TNIP3: variants seen among roughly 807,000 people sequenced by gnomAD.
TNIP3 encodes the protein TNFAIP3 interacting protein 3, also known as TNFAIP3-interacting protein 3.
Under a neutral mutation model 54.1 loss-of-function variants are expected in TNIP3, and 34 were observed. The observed-to-expected ratio is 0.63, with a 90% CI of 0.48 to 0.84. The LOEUF (loss-of-function observed/expected upper bound fraction) is 0.84. Among genes scored for constraint, TNIP3 ranks in the 40% least tolerant of loss-of-function variants. TNIP3 has a pLI of 0.00. For synonymous variants in TNIP3, 134 were observed against 136.8 expected, an observed-to-expected ratio of 0.98 and a Z score of 0.14; for missense variants, 366 against 387.6, an observed-to-expected ratio of 0.94 and a Z score of 0.47.
intron 1 of TNIP3, among the ~76,000 whole-genome samples, chr4:121,162,206 C>T (rs1374532001): frequency 6.6e-6 from 1 of 152,154 alleles, no homozygotes; most frequent in East Asian, 1.9e-4. Flanking sequence ...ATTTCAAGCA[C>T]CTTTTTTCAT....
upstream of TNIP3, among the ~76,000 whole-genome samples, chr4:121,219,550 A>G (rs1228226509): frequency 6.6e-6 from 1 of 152,214 alleles, no homozygotes; most frequent in Non-Finnish European, 1.5e-5. Flanking sequence ...TTGGAAGTTA[A>G]CCAAGTTTTA....
chr4:121,197,083 A>G (rs1725631371), intron 2 of TNIP3, among the ~76,000 whole-genome samples: 1 of 152,130 alleles, frequency 6.6e-6, no homozygotes, highest in Admixed American at 6.6e-5. Flanking sequence ...ATGGGAAAAA[A>G]TCAACTAGAA....
Position 121,154,558 on chromosome 4 carries a change from A to C in TNIP3, c.485T>G (p.Leu162Arg). 1.9e-6 allele frequency: 3 copies of C among 1,613,650 alleles called. No homozygotes were observed. In the South Asian group the frequency reaches 3.3e-5, roughly 18 times the overall value. ...GCTTGACCTGACTGATACCTTATTG[A>C]GGCGTTTTATTTCACATTCGTAATG... Reference protein sequence around the residue: ...KEHYECEIKRLNKALQDALNI... With the variant: ...KEHYECEIKRRNKALQDALNI... The change falls in exon 5 of 11, where the codon CTC (leucine) becomes CGC (arginine). Residue 162 changes from leucine to arginine, a missense_variant. Physicochemically the swap from Leu to Arg is moderately radical, Grantham distance 102. Transcript: ENST00000057513.
chr4:121,178,689 G>A (rs1361552580), intron 3 of TNIP3, among the ~76,000 whole-genome samples: 1 of 152,162 alleles, frequency 6.6e-6, no homozygotes, highest in African/African-American at 2.4e-5. Flanking sequence ...GTGTACATTT[G>A]ATACTCCCCT....
chr4:121,217,250 C>T (rs1040588185), upstream of TNIP3, among the ~76,000 whole-genome samples: 2 of 152,108 alleles, frequency 1.3e-5, no homozygotes, highest in African/African-American at 2.4e-5. Context: ...ATTTTAAATG[C>T]ATCTGGAAAC....
intron 3 of TNIP3, among the ~76,000 whole-genome samples, chr4:121,180,034 G>A (rs1475706793): frequency 6.6e-6 from 1 of 151,930 alleles, no homozygotes; most frequent in Non-Finnish European, 1.5e-5. Flanking sequence ...AGGGAAGCCA[G>A]TGAAGGTGAG....
chr4:121,206,116 T>G (rs2148843750), intron 2 of TNIP3, among the ~76,000 whole-genome samples: 1 of 152,184 alleles, frequency 6.6e-6, no homozygotes. Context: ...ACCTGGGAAT[T>G]ATGGGAACTA....
At chr4:121,216,765 T>C, upstream of TNIP3, 3 of 579,634 alleles carry the variant, frequency 5.2e-6, no homozygotes, top group South Asian at 7.1e-5. Flanking sequence ...CAGGGAGAAA[T>C]TGTCCAGGAG....
At chr4:121,133,541 T>C (rs1728603944) in intron 10 of TNIP3, among the ~76,000 whole-genome samples, 1 of 152,210 alleles carries the variant, frequency 6.6e-6, no homozygotes. Flanking sequence ...TACCTCTCCC[T>C]AGGTATCTTA....
intron 7 of TNIP3, among the ~76,000 whole-genome samples, chr4:121,144,698 G>C (rs538549603): frequency 6.6e-6 from 1 of 152,178 alleles, no homozygotes; most frequent in African/African-American, 2.4e-5. Flanking sequence ...CACCGCACCC[G>C]GCCTGTTTTT....
chr4:121,166,747 A>G (rs1730789595), upstream of TNIP3, among the ~76,000 whole-genome samples: 1 of 152,224 alleles, frequency 6.6e-6, no homozygotes, highest in Non-Finnish European at 1.5e-5. Context: ...TTTGGCAGGT[A>G]AAAGAAACAT....
intron 3 of TNIP3, among the ~76,000 whole-genome samples, chr4:121,174,078 C>A (rs927303423): frequency 1.3e-5 from 2 of 152,138 alleles, no homozygotes; most frequent in Non-Finnish European, 2.9e-5. Flanking sequence ...TTAGAGGGGA[C>A]CACTCCATTG....
chr4:121,152,404 C>T (rs1310844409), intron 5 of TNIP3, among the ~76,000 whole-genome samples: 1 of 152,138 alleles, frequency 6.6e-6, no homozygotes, highest in Non-Finnish European at 1.5e-5. Flanking sequence ...TTTTAAGGGA[C>T]AGCTTAAAGT....
intron 2 of TNIP3, among the ~76,000 whole-genome samples, chr4:121,216,204 G>T (rs1726782331): frequency 6.6e-6 from 1 of 152,140 alleles, no homozygotes; most frequent in Non-Finnish European, 1.5e-5. Flanking sequence ...AACCTACCAT[G>T]ACTTTTGCCC....
intron 10 of TNIP3, among the ~76,000 whole-genome samples, chr4:121,135,343 C>T (rs1378110294): frequency 1.3e-5 from 2 of 152,160 alleles, no homozygotes; most frequent in Admixed American, 1.3e-4. Flanking sequence ...AATTTAATCA[C>T]TCATTATCTG....
intron 2 of TNIP3, among the ~76,000 whole-genome samples, chr4:121,187,508 T>C (rs1244186295): frequency 6.6e-6 from 1 of 152,246 alleles, no homozygotes; most frequent in Non-Finnish European, 1.5e-5. Context: ...TTACTCTACA[T>C]CTGGGATCTT....
chr4:121,159,054 C>G (rs1046561319), intron 2 of TNIP3, among the ~76,000 whole-genome samples: 1 of 152,132 alleles, frequency 6.6e-6, no homozygotes, highest in Non-Finnish European at 1.5e-5. Context: ...ACCAGCCTGC[C>G]CAACATGGTG....
At chr4:121,203,684 T>G (rs1009426684) in intron 2 of TNIP3, among the ~76,000 whole-genome samples, 4 of 152,124 alleles carry the variant, frequency 2.6e-5, no homozygotes, top group Non-Finnish European at 5.9e-5. Flanking sequence ...TATTGGACCA[T>G]GTATTTTCAA....
At chr4:121,210,039 G>A (rs1726396781) in intron 2 of TNIP3, among the ~76,000 whole-genome samples, 1 of 152,200 alleles carries the variant, frequency 6.6e-6, no homozygotes, top group Admixed American at 6.5e-5. Flanking sequence ...TGAACTCAGG[G>A]AGTCTGACTC....
Sources: gnomAD v4.1 joint callset for allele counts (sites outside exome capture counted in the v4.1 genomes callset) on GRCh38, gnomAD v4.1.1 for gene constraint, MANE v1.5 for transcripts, NCBI Gene and HGNC (gene_info 2026-07-23, HGNC 2026-07-21) for gene names.